HIVEP3: variants seen among roughly 807,000 people sequenced by gnomAD.
HIVEP3 encodes HIVEP zinc finger 3, also known as transcription factor HIVEP3.
Under a neutral mutation model 152.8 loss-of-function variants are expected in HIVEP3, and 49 were observed. That is an observed-to-expected ratio of 0.32 (90% confidence interval 0.26 to 0.41). HIVEP3 has a LOEUF of 0.41. Ranked by LOEUF, HIVEP3 falls within the 10% of genes least tolerant of loss-of-function variation. The pLI is 1.00. For synonymous variants in HIVEP3, 1,269 were observed against 1,289.0 expected, an observed-to-expected ratio of 0.98 and a Z score of 0.33; for missense variants, 2,790 against 3,103.3, an observed-to-expected ratio of 0.90 and a Z score of 2.40.
At position 41,908,765 on chromosome 1, in the gene HIVEP3, T is replaced by C. The variant is rs191225526; in HGVS notation, c.-801+9648A>G. ...TAAGACGTATTCAGTGAGCAAAAAC[T>C]AAGCAAAATCTGAAGCCTAGTATAA... On this transcript the variant is annotated intron_variant, in intron 1 of 8. Transcript: ENST00000372583. Among the ~76,000 whole-genome samples, 12 of 152,310 alleles carry C rather than the reference T, an allele frequency of 7.9e-5. No homozygotes were observed. In the East Asian group the frequency reaches 2.3e-3, roughly 29 times the overall value.
chr1:41,646,181 G>C (rs1645456054), intron 2 of HIVEP3, among the ~76,000 whole-genome samples: 1 of 152,188 alleles, frequency 6.6e-6, no homozygotes, highest in Non-Finnish European at 1.5e-5. Flanking sequence ...ACAGACAGCA[G>C]TACTTCCCCA....
intron 1 of HIVEP3, among the ~76,000 whole-genome samples, chr1:41,723,810 C>A (rs1455089282): frequency 2.0e-5 from 3 of 152,100 alleles, no homozygotes; most frequent in African/African-American, 7.2e-5. Context: ...GCCCTCAGAG[C>A]CCAGGGTCAG....
rs539113521 is a variant in HIVEP3 at position 41,707,432 on chromosome 1, T to A, written c.-800-6437A>T. Among the ~76,000 whole-genome samples the A allele has an allele frequency of 8.5e-5, 13 of 152,334 alleles. No homozygotes were observed. In the South Asian group the frequency reaches 2.7e-3, roughly 32 times the overall value. On this transcript the variant is annotated intron_variant, in intron 1 of 8. Transcript: ENST00000372583. Reference sequence around the variant, plus strand: ...GGCCTTGGGTGGGGCAAGAAAGGACTTACCCTCTCTCGGATGGCAGTTCTG... The same window carrying A: ...GGCCTTGGGTGGGGCAAGAAAGGACATACCCTCTCTCGGATGGCAGTTCTG...
intron 1 of HIVEP3, among the ~76,000 whole-genome samples, chr1:42,007,555 G>A (rs1318879832): frequency 6.6e-6 from 1 of 152,114 alleles, no homozygotes. Context: ...CCTCACTTAG[G>A]GGCAAGTCTT....
intron 2 of HIVEP3, among the ~76,000 whole-genome samples, chr1:41,663,062 G>T: frequency 6.6e-6 from 1 of 152,236 alleles, no homozygotes; most frequent in South Asian, 2.1e-4. Flanking sequence ...TGGATCTCGG[G>T]ATTTGGGCCT....
chr1:41,805,918 T>A (rs902884236), intron 1 of HIVEP3, among the ~76,000 whole-genome samples: 12 of 152,066 alleles, frequency 7.9e-5, no homozygotes, highest in African/African-American at 2.7e-4. Context: ...CACACACATC[T>A]CCTCTGTAAA....
At chr1:41,859,293 T>G (rs377391332) in intron 1 of HIVEP3, among the ~76,000 whole-genome samples, 2 of 152,266 alleles carry the variant, frequency 1.3e-5, no homozygotes, top group East Asian at 3.9e-4. Flanking sequence ...CAATGAAAAT[T>G]TGGTAAATGA....
chr1:41,914,915 T>G (rs950439794), intron 1 of HIVEP3, among the ~76,000 whole-genome samples: 5 of 152,232 alleles, frequency 3.3e-5, no homozygotes, highest in Non-Finnish European at 7.3e-5. Context: ...TTGAGGTTCA[T>G]GAATATTTTC....
intron 1 of HIVEP3, among the ~76,000 whole-genome samples, chr1:41,737,966 G>A (rs377550324): frequency 2.0e-5 from 3 of 152,192 alleles, no homozygotes; most frequent in African/African-American, 7.2e-5. Flanking sequence ...GTTCTGTTCT[G>A]TGTCACTGAA....
At chr1:41,785,550 A>G (rs564934443) in intron 1 of HIVEP3, among the ~76,000 whole-genome samples, 2 of 152,362 alleles carry the variant, frequency 1.3e-5, no homozygotes, top group South Asian at 4.1e-4. Context: ...ATAAAATGGA[A>G]TATTGAGAAG....
At chr1:41,984,814 T>C (rs1176313551) in intron 1 of HIVEP3, among the ~76,000 whole-genome samples, 1 of 152,190 alleles carries the variant, frequency 6.6e-6, no homozygotes, top group East Asian at 1.9e-4. Context: ...CACTTTCACA[T>C]GCCAGGCACC....
At chr1:41,932,876 C>A (rs1645002344) in intron 1 of HIVEP3, among the ~76,000 whole-genome samples, 1 of 151,686 alleles carries the variant, frequency 6.6e-6, no homozygotes, top group South Asian at 2.1e-4. Context: ...TGTTGTAGTT[C>A]TTTTTCATTC....
chr1:41,969,180 G>T (rs554653255), intron 1 of HIVEP3, among the ~76,000 whole-genome samples: 1 of 152,158 alleles, frequency 6.6e-6, no homozygotes, highest in African/African-American at 2.4e-5. Flanking sequence ...AACTACCATT[G>T]ACATTCTTCT....
At chr1:41,799,020 G>C (rs1261048485) in intron 1 of HIVEP3, among the ~76,000 whole-genome samples, 1 of 152,130 alleles carries the variant, frequency 6.6e-6, no homozygotes, top group Non-Finnish European at 1.5e-5. Context: ...CTCTTGACTT[G>C]TCTCCTCCCT....
intron 1 of HIVEP3, among the ~76,000 whole-genome samples, chr1:42,014,732 A>T (rs1408584362): frequency 6.6e-6 from 1 of 152,222 alleles, no homozygotes; most frequent in Non-Finnish European, 1.5e-5. Context: ...TCAATAACAA[A>T]TTTAGGTCTG....
intron 1 of HIVEP3, among the ~76,000 whole-genome samples, chr1:41,806,543 A>G (rs551726494): frequency 6.6e-6 from 1 of 152,332 alleles, no homozygotes; most frequent in East Asian, 1.9e-4. Context: ...AAGAGCATGG[A>G]TGCATTTCAC....
intron 1 of HIVEP3, among the ~76,000 whole-genome samples, chr1:41,820,744 G>T (rs1642572001): frequency 6.6e-6 from 1 of 152,186 alleles, no homozygotes; most frequent in South Asian, 2.1e-4. Flanking sequence ...TCTAGTCCTA[G>T]ATATTAATCC....
At chr1:41,537,006 G>A (rs1008131161) in intron 5 of HIVEP3, among the ~76,000 whole-genome samples, 16 of 152,234 alleles carry the variant, frequency 1.1e-4, no homozygotes, top group East Asian at 1.9e-4. Flanking sequence ...TACAAGAGGC[G>A]GATCCAGCCT....
chr1:41,918,132 C>G lies in HIVEP3; in HGVS notation c.-801+281G>C, dbSNP rs1034346599. Among the ~76,000 whole-genome samples, 1 of 151,996 alleles carries G rather than the reference C, an allele frequency of 6.6e-6. No individual in the cohort carries two copies. Among genetic ancestry groups the G allele is most frequent in the South Asian group, 2.1e-4 (1 of 4,828 alleles). ...CCCGCCGCCGCCGCCGCCGCCGCCG[C>G]CTGTGATTGACGCGCGGGGGTCACT... On this transcript the variant is annotated intron_variant, in intron 1 of 8. Transcript: ENST00000372583. This position sits in a 1 kb window ranked among gnomAD's most constrained non-coding sequence, Gnocchi z 4.3.
Sources: gnomAD v4.1 joint callset for allele counts (sites outside exome capture counted in the v4.1 genomes callset) on GRCh38, gnomAD v4.1.1 for gene constraint, Gnocchi (gnomAD v3.1) non-coding constraint, MANE v1.5 for transcripts, NCBI Gene and HGNC (gene_info 2026-07-23, HGNC 2026-07-21) for gene names.